TRIO: variants seen among roughly 807,000 people sequenced by gnomAD.
The protein encoded by TRIO is triple functional domain protein.
In TRIO, 58 loss-of-function variants were observed where a neutral mutation model predicts 351.9. The observed-to-expected ratio is 0.16, with a 90% CI of 0.13 to 0.21. The LOEUF (loss-of-function observed/expected upper bound fraction) is 0.21, where lower values mean the gene tolerates loss of function less well. Ranked by LOEUF, TRIO falls within the 10% of genes least tolerant of loss-of-function variation. The pLI is 1.00. For missense variants in TRIO, 3,201 were observed against 4,027.8 expected (o/e 0.79, Z 5.56); for synonymous variants, 1,758 against 1,595.7 (o/e 1.10, Z -2.42).
intron 41 of TRIO, among the ~76,000 whole-genome samples, chr5:14,478,808 A>T (rs1579774255): frequency 6.8e-6 from 1 of 147,698 alleles, no homozygotes; most frequent in East Asian, 1.9e-4. Context: ...AAAAAAAATT[A>T]AAAATTAGCC....
At chr5:14,206,226 A>T (rs1791449478) in intron 1 of TRIO, among the ~76,000 whole-genome samples, 1 of 151,930 alleles carries the variant, frequency 6.6e-6, no homozygotes, top group Non-Finnish European at 1.5e-5. Context: ...ATACATGGCT[A>T]ATTTTTTGTA....
chr5:14,455,362 G>T (rs974949667), intron 34 of TRIO, among the ~76,000 whole-genome samples: 1 of 151,900 alleles, frequency 6.6e-6, no homozygotes, highest in African/African-American at 2.4e-5. Context: ...GCTGATTGGT[G>T]TATTTACAAT....
At chr5:14,472,268 C>T in intron 38 of TRIO, among the ~76,000 whole-genome samples, 1 of 152,240 alleles carries the variant, frequency 6.6e-6, no homozygotes, top group East Asian at 1.9e-4. Context: ...TTAAAAGCCA[C>T]TTCCTTTACT....
intron 34 of TRIO, among the ~76,000 whole-genome samples, chr5:14,431,878 T>C (rs1001923024): frequency 9.2e-5 from 14 of 152,228 alleles, no homozygotes; most frequent in African/African-American, 3.4e-4. Flanking sequence ...TCCATATAGC[T>C]GTCTATCTCC....
intron 8 of TRIO, among the ~76,000 whole-genome samples, chr5:14,310,009 G>A (rs1171395080): frequency 6.6e-6 from 1 of 152,022 alleles, no homozygotes; most frequent in Non-Finnish European, 1.5e-5. Flanking sequence ...GCTTTAATTA[G>A]ACCTGCCCGT....
intron 1 of TRIO, among the ~76,000 whole-genome samples, chr5:14,148,683 T>G (rs961962170): frequency 6.6e-6 from 1 of 152,136 alleles, no homozygotes; most frequent in Non-Finnish European, 1.5e-5. Flanking sequence ...AAGACTTGGA[T>G]TTGCGGGAGA....
chr5:14,504,133 AGTGCT>A (rs1425433751), intron 54 of TRIO, among the ~76,000 whole-genome samples: 1 of 152,196 alleles, frequency 6.6e-6, no homozygotes, highest in East Asian at 1.9e-4. Context: ...CACCACACGC[AGTGCT>A]GGGAAAGCAG....
chr5:14,449,610 T>TGTTTCTAAAGCATTCCTGA (rs1422029711), intron 34 of TRIO, among the ~76,000 whole-genome samples: 1 of 152,222 alleles, frequency 6.6e-6, no homozygotes, highest in Non-Finnish European at 1.5e-5. Context: ...GCAGACCACG[T>TGTTTCTAAAGCATTCCTGA]GTTTCTAAAG....
chr5:14,422,395 A>G (rs1019871265), intron 34 of TRIO, among the ~76,000 whole-genome samples: 6 of 152,158 alleles, frequency 3.9e-5, no homozygotes, highest in African/African-American at 1.4e-4. Flanking sequence ...CATTTTCACA[A>G]CCTCAGTGCC....
chr5:14,479,799 T>G (rs1308808600), intron 42 of TRIO, 120 bp from the exon 43 acceptor site: 6 of 833,570 alleles, frequency 7.2e-6, no homozygotes, highest in Non-Finnish European at 1.1e-5. Context: ...GTTAGTCTAG[T>G]GCTTTTTTTC....
Position 14,461,152 on chromosome 5 carries a change from C to T in TRIO, c.5337C>T (p.Ser1779=), listed in dbSNP as rs774050003. 7.2e-5 allele frequency: 112 copies of T among 1,556,052 alleles called. 3 individuals carry two copies. In the South Asian group the frequency reaches 1.2e-3, roughly 17 times the overall value. ...ACACCCTGCGCAAGTGGCTCACCAG[C>T]CCCGTGCGGCGGCTCAGCAGCGGCA... ...PGNTLRKWLT[S]PVRRLSSGKA... The change falls in exon 35 of 57, where the codon AGC becomes AGT. Residue 1779 remains serine (S), a synonymous_variant. Coordinates refer to ENST00000344204, the MANE Select transcript of TRIO (RefSeq NM_007118.4).
At chr5:14,252,830 T>A (rs1045867058) in intron 1 of TRIO, among the ~76,000 whole-genome samples, 1 of 151,122 alleles carries the variant, frequency 6.6e-6, no homozygotes, top group East Asian at 1.9e-4. Flanking sequence ...TAGGTGCCAT[T>A]CATTGAGGGA....
chr5:14,490,209 G>A (rs1232048240), intron 48 of TRIO, among the ~76,000 whole-genome samples: 5 of 152,234 alleles, frequency 3.3e-5, no homozygotes, highest in African/African-American at 1.2e-4. Flanking sequence ...AACCCAGGAG[G>A]CAGTGGTTGC....
At chr5:14,373,227 G>A (rs1047075305) in intron 18 of TRIO, among the ~76,000 whole-genome samples, 18 of 152,166 alleles carry the variant, frequency 1.2e-4, no homozygotes, top group Non-Finnish European at 2.5e-4. Context: ...ACATTTGGGT[G>A]GGAACACAGA....
Position 14,235,138 on chromosome 5 carries a change from C to T in TRIO, c.158-35687C>T, listed in dbSNP as rs2152227114. Among the ~76,000 whole-genome samples the T allele has an allele frequency of 2.0e-5, 3 of 152,242 alleles. No individual in the cohort carries two copies. The South Asian group carries it at 6.2e-4, about 32-fold the overall frequency. ...TGTAGAAAACAAACCAAAGTAAAAACTTGTTACCCTACCCATCCTGGCATA... is the reference window on the plus strand; with the variant it reads ...TGTAGAAAACAAACCAAAGTAAAAATTTGTTACCCTACCCATCCTGGCATA... On this transcript the variant is annotated intron_variant, in intron 1 of 56. Transcript: ENST00000344204.
intron 7 of TRIO, among the ~76,000 whole-genome samples, chr5:14,299,589 T>C (rs1490387172): frequency 6.6e-6 from 1 of 152,194 alleles, no homozygotes; most frequent in African/African-American, 2.4e-5. Context: ...CTCACTAAAG[T>C]AGTTTTCTTT....
chr5:14,234,306 C>T (rs929082047), intron 1 of TRIO, among the ~76,000 whole-genome samples: 6 of 152,104 alleles, frequency 3.9e-5, no homozygotes, highest in Non-Finnish European at 8.8e-5. Flanking sequence ...ATAGGGGTGC[C>T]GGGCAGTAGA....
At chr5:14,197,268 TGTG>T (rs550617705) in intron 1 of TRIO, among the ~76,000 whole-genome samples, 247 of 150,336 alleles carry the variant, frequency 1.6e-3, no homozygotes, top group Non-Finnish European at 3.0e-3. Flanking sequence ...TTGTGCCTGC[TGTG>T]GTGGTAATTA....
chr5:14,405,431 G>T (rs1561451320), intron 31 of TRIO, among the ~76,000 whole-genome samples: 1 of 152,248 alleles, frequency 6.6e-6, no homozygotes, highest in Non-Finnish European at 1.5e-5. Context: ...CAGCAAAGGA[G>T]GCCGCAAGGC....
Sources: allele counts gnomAD v4.1 joint callset (sites outside exome capture counted in the v4.1 genomes callset), GRCh38; gene constraint gnomAD v4.1.1; transcripts MANE v1.5; gene names NCBI Gene and HGNC (gene_info 2026-07-23, HGNC 2026-07-21).